Variants in TCF12 observed in about 807,000 individuals in gnomAD.
TCF12 encodes DNA-binding protein HTF4.
In TCF12, 45 loss-of-function variants were observed where a neutral mutation model predicts 86.0. That is an observed-to-expected ratio of 0.52 (90% CI 0.41 to 0.67). TCF12 has a LOEUF of 0.67. TCF12 is among the 30% of genes least tolerant of loss of function. The pLI, the probability that TCF12 is intolerant of heterozygous loss-of-function variation, is 0.00. For synonymous variants in TCF12, 330 were observed against 299.6 expected (o/e 1.10, Z -1.05); for missense variants, 881 against 859.9 (o/e 1.02, Z -0.31).
chr15:56,971,039 C>A (rs2062286772), intron 3 of TCF12, among the ~76,000 whole-genome samples: 2 of 152,114 alleles, frequency 1.3e-5, no homozygotes, highest in Non-Finnish European at 2.9e-5. Context: ...AAGAGTTAGA[C>A]CCTGTCTCAA....
At chr15:57,135,618 G>A (rs2052465366) in intron 5 of TCF12, among the ~76,000 whole-genome samples, 3 of 152,142 alleles carry the variant, frequency 2.0e-5, no homozygotes, top group Admixed American at 6.5e-5. Flanking sequence ...AATTGGATTT[G>A]TAAGATTTGA....
chr15:57,231,024 C>T (rs1297587516), intron 8 of TCF12, 128 bp from the exon 9 acceptor site: 1 of 597,048 alleles, frequency 1.7e-6, no homozygotes, highest in African/African-American at 1.9e-5. Context: ...GTATTCTTTT[C>T]ATTTGTGGTA....
chr15:57,044,226 T>C (rs1282729151), intron 3 of TCF12, among the ~76,000 whole-genome samples: 4 of 152,202 alleles, frequency 2.6e-5, no homozygotes, highest in Non-Finnish European at 4.4e-5. Context: ...CACATGACTC[T>C]AATATAAGCT....
At chr15:57,182,115 C>G (rs1308057867) in intron 6 of TCF12, among the ~76,000 whole-genome samples, 1 of 152,084 alleles carries the variant, frequency 6.6e-6, no homozygotes, top group South Asian at 2.1e-4. Context: ...TGGGATCGTT[C>G]TGTATTCTTT....
chr15:56,989,454 AACC>A (rs2063340596), intron 3 of TCF12, among the ~76,000 whole-genome samples: 2 of 152,186 alleles, frequency 1.3e-5, no homozygotes, highest in Admixed American at 1.3e-4. Context: ...AAAACAAAAA[AACC>A]AGGCAGCTGG....
intron 3 of TCF12, among the ~76,000 whole-genome samples, chr15:56,962,321 T>C (rs1467013394): frequency 1.3e-5 from 2 of 152,206 alleles, no homozygotes; most frequent in Non-Finnish European, 2.9e-5. Context: ...TCAGTGCTGC[T>C]TAGCAGAGTG....
chr15:57,164,434 A>G (rs1447208554), intron 5 of TCF12, among the ~76,000 whole-genome samples: 3 of 152,178 alleles, frequency 2.0e-5, no homozygotes, highest in Non-Finnish European at 4.4e-5. Context: ...CCTCCTTCAC[A>G]TGGCAGCAGC....
At chr15:56,927,536 C>G (rs1382218475) in intron 3 of TCF12, among the ~76,000 whole-genome samples, 1 of 152,146 alleles carries the variant, frequency 6.6e-6, no homozygotes, top group Non-Finnish European at 1.5e-5. Context: ...GTTGCATGCT[C>G]TTAAATGGAA....
At chr15:57,040,071 CT>C (rs757225289) in intron 3 of TCF12, among the ~76,000 whole-genome samples, 1 of 152,052 alleles carries the variant, frequency 6.6e-6, no homozygotes, top group Non-Finnish European at 1.5e-5. Context: ...TTATTATTGG[CT>C]TTTTGAGTAA....
chr15:57,088,473 AT>A (rs2048787341), intron 4 of TCF12, among the ~76,000 whole-genome samples: 1 of 147,534 alleles, frequency 6.8e-6, no homozygotes, highest in African/African-American at 2.5e-5. Flanking sequence ...ACATAAAAAT[AT>A]TTTGCTATTC....
chr15:57,141,475 G>A (rs1055382620), intron 5 of TCF12, among the ~76,000 whole-genome samples: 9 of 152,224 alleles, frequency 5.9e-5, no homozygotes, highest in African/African-American at 2.2e-4. Flanking sequence ...TCAGCCTCCC[G>A]AGTAGCTGGG....
At chr15:56,934,764 C>T (rs1443562011) in intron 3 of TCF12, among the ~76,000 whole-genome samples, 3 of 152,048 alleles carry the variant, frequency 2.0e-5, no homozygotes, top group Admixed American at 1.3e-4. Flanking sequence ...CTACTGGGTT[C>T]CTTTGGAACC....
At chr15:57,088,800 A>G (rs1228062219) in intron 4 of TCF12, among the ~76,000 whole-genome samples, 1 of 152,144 alleles carries the variant, frequency 6.6e-6, no homozygotes, top group African/African-American at 2.4e-5. Context: ...CTCGTTTGAT[A>G]AGAACATTGA....
At chr15:57,227,043 A>G (rs2733316) in intron 8 of TCF12, among the ~76,000 whole-genome samples, 11,369 of 152,136 alleles carry the variant, frequency 0.075, 1,247 homozygotes, top group African/African-American at 0.24. Flanking sequence ...ATATATAGCT[A>G]TTGTCACATA....
chr15:57,142,303 T>TGA (rs763094702), intron 5 of TCF12, among the ~76,000 whole-genome samples: 319 of 20,214 alleles, frequency 0.016, no homozygotes, highest in Non-Finnish European at 0.034. Flanking sequence ...ACTCACACTT[T>TGA]TATAGATAGA....
At chr15:57,007,872 T>C (rs957862763) in intron 3 of TCF12, among the ~76,000 whole-genome samples, 5 of 64,478 alleles carry the variant, frequency 7.8e-5, no homozygotes, top group African/African-American at 2.0e-4. Flanking sequence ...CTTCCTTCCT[T>C]CCTTCCTTCC....
intron 3 of TCF12, among the ~76,000 whole-genome samples, chr15:56,948,732 G>A (rs1190746307): frequency 6.6e-6 from 1 of 152,156 alleles, no homozygotes; most frequent in African/African-American, 2.4e-5. Flanking sequence ...AAAGTTTTTA[G>A]ACCTCTGTAG....
At chr15:57,224,376 G>A (rs377748087) in intron 8 of TCF12, among the ~76,000 whole-genome samples, 22 of 152,138 alleles carry the variant, frequency 1.4e-4, no homozygotes, top group African/African-American at 4.1e-4. Context: ...AGCACTTATC[G>A]TAGAAAATCA....
intron 3 of TCF12, among the ~76,000 whole-genome samples, chr15:57,008,144 T>A (rs563890809): frequency 1.3e-5 from 2 of 150,250 alleles, no homozygotes; most frequent in Admixed American, 6.7e-5. Context: ...TTTTTTTTTT[T>A]CCCTGTAGAG....
Sources: allele counts gnomAD v4.1 joint callset (sites outside exome capture counted in the v4.1 genomes callset), GRCh38; gene constraint gnomAD v4.1.1; transcripts MANE v1.5; gene names NCBI Gene and HGNC (gene_info 2026-07-23, HGNC 2026-07-21).